The following CNTNAP2 variants were observed in gnomAD, a reference collection of about 807,000 sequenced individuals.
CNTNAP2 encodes contactin associated protein 2.
Under a neutral mutation model 155.2 loss-of-function variants are expected in CNTNAP2, and 98 were observed. That is an observed-to-expected ratio of 0.63 (90% CI 0.54 to 0.75). CNTNAP2 has a LOEUF of 0.75. Ranked by LOEUF, CNTNAP2 falls within the 30% of genes least tolerant of loss-of-function variation. The pLI is 0.00. For synonymous variants in CNTNAP2, 651 were observed against 631.2 expected (o/e 1.03, Z -0.47); for missense variants, 1,727 against 1,688.1 (o/e 1.02, Z -0.40).
intron 1 of CNTNAP2, among the ~76,000 whole-genome samples, chr7:146,529,142 T>G (rs1797732219): frequency 6.6e-6 from 1 of 152,186 alleles, no homozygotes; most frequent in African/African-American, 2.4e-5. Flanking sequence ...TTGTTTGTTT[T>G]CTTATGCATT....
intron 13 of CNTNAP2, among the ~76,000 whole-genome samples, chr7:147,833,932 A>G (rs997954821): frequency 2.6e-5 from 4 of 152,182 alleles, no homozygotes; most frequent in Admixed American, 1.3e-4. Context: ...ATGGCAACGC[A>G]GGTGAACAAG....
Position 147,246,607 on chromosome 7 carries a change from C to T in CNTNAP2, c.1349-53534C>T, listed in dbSNP as rs117438697. 7.0e-4 allele frequency among the ~76,000 whole-genome samples: 106 copies of T among 152,240 alleles called. 1 individual carries two copies. In the East Asian group the frequency reaches 0.018, roughly 26 times the overall value. ...GAGGGTTCTGTTCTCATAATCTAAT[C>T]GCCTCCCAAGAGTCCTGCCTCCTAA... On this transcript the variant is annotated intron_variant, in intron 8 of 23. Coordinates refer to ENST00000361727, the MANE Select transcript of CNTNAP2 (RefSeq NM_014141.6).
intron 15 of CNTNAP2, among the ~76,000 whole-genome samples, chr7:148,103,141 G>A (rs1482403254): frequency 1.3e-5 from 2 of 151,664 alleles, no homozygotes; most frequent in African/African-American, 2.4e-5. Flanking sequence ...AGTGAGCAGA[G>A]GAGTGATTTT....
intron 1 of CNTNAP2, among the ~76,000 whole-genome samples, chr7:146,300,802 T>A (rs1800594968): frequency 6.6e-6 from 1 of 152,132 alleles, no homozygotes; most frequent in South Asian, 2.1e-4. Context: ...TGTATGTCAT[T>A]GGGATTCTAC....
At chr7:147,917,829 A>G (rs1800186923) in intron 14 of CNTNAP2, among the ~76,000 whole-genome samples, 1 of 151,842 alleles carries the variant, frequency 6.6e-6, no homozygotes, top group Non-Finnish European at 1.5e-5. Context: ...TAAAGTCCAG[A>G]CTCCTGCAGT....
intron 1 of CNTNAP2, among the ~76,000 whole-genome samples, chr7:146,217,507 C>A (rs1388774816): frequency 6.6e-6 from 1 of 152,098 alleles, no homozygotes; most frequent in Non-Finnish European, 1.5e-5. Flanking sequence ...TTATTATTAT[C>A]CACACGTATT....
intron 10 of CNTNAP2, among the ~76,000 whole-genome samples, chr7:147,405,884 A>G (rs7788875): frequency 0.47 from 71,331 of 151,740 alleles, 19,532 homozygotes; most frequent in African/African-American, 0.77. Flanking sequence ...TGGTTTGATA[A>G]AAAGGCCGGT....
intron 10 of CNTNAP2, among the ~76,000 whole-genome samples, chr7:147,417,170 G>A (rs990578064): frequency 3.3e-5 from 5 of 151,900 alleles, no homozygotes; most frequent in East Asian, 1.9e-4. Flanking sequence ...TCTCAACCAC[G>A]GTTATGTATC....
chr7:146,684,934 G>C, intron 1 of CNTNAP2, among the ~76,000 whole-genome samples: 1 of 152,078 alleles, frequency 6.6e-6, no homozygotes, highest in East Asian at 1.9e-4. Context: ...AATAATGTAA[G>C]CTAAAGAGCC....
At chr7:147,893,067 G>T (rs1367100868) in intron 13 of CNTNAP2, among the ~76,000 whole-genome samples, 1 of 152,096 alleles carries the variant, frequency 6.6e-6, no homozygotes, top group Non-Finnish European at 1.5e-5. Flanking sequence ...ATTTTATCTT[G>T]ACTCATTCTT....
rs547648769 is a variant in CNTNAP2, at chr7:146,293,135, A to T, written c.97+176162A>T. 6.6e-4 allele frequency among the ~76,000 whole-genome samples: 100 copies of T among 152,318 alleles called. 1 individual carries two copies. The highest frequency in any genetic ancestry group is 2.4e-3 in the African/African-American group (99 of 41,586). ...ATATACAGCTATAATTTATCAATTT[A>T]CAATTAAAAAATAAATGAAATAAAA... On this transcript the variant is annotated intron_variant, in intron 1 of 23. Coordinates refer to ENST00000361727, the MANE Select transcript of CNTNAP2 (RefSeq NM_014141.6).
intron 16 of CNTNAP2, among the ~76,000 whole-genome samples, chr7:148,137,327 T>G (rs575113183): frequency 6.6e-6 from 1 of 152,316 alleles, no homozygotes; most frequent in Non-Finnish European, 1.5e-5. Flanking sequence ...AAAGGCACTT[T>G]TATAGAAGTC....
chr7:147,783,564 G>A lies in CNTNAP2; in HGVS notation c.2099-120001G>A, dbSNP rs73460106. 7.2e-5 allele frequency among the ~76,000 whole-genome samples: 11 copies of A among 152,202 alleles called. No homozygotes were observed. The South Asian group carries it at 1.0e-3, about 14-fold the overall frequency. ...AGTTTGTCACCTCACAGTTCTGGAG[G>A]CCAGAAATTTGAGATCAAGATGACC... On this transcript the variant is annotated intron_variant, in intron 13 of 23. Coordinates refer to ENST00000361727, the MANE Select transcript of CNTNAP2 (RefSeq NM_014141.6).
At chr7:148,393,615 C>T (rs1476300480) in intron 22 of CNTNAP2, among the ~76,000 whole-genome samples, 1 of 152,084 alleles carries the variant, frequency 6.6e-6, no homozygotes, top group Non-Finnish European at 1.5e-5. Context: ...TTTGTTGAGT[C>T]AAAGGATATG....
At chr7:147,290,087 G>A (rs183547658) in intron 8 of CNTNAP2, among the ~76,000 whole-genome samples, 29 of 152,064 alleles carry the variant, frequency 1.9e-4, no homozygotes, top group African/African-American at 6.5e-4. Flanking sequence ...TTTTTCCTAC[G>A]GGAAATACAG....
At chr7:146,879,857 A>G (rs924323526) in intron 3 of CNTNAP2, among the ~76,000 whole-genome samples, 1 of 152,150 alleles carries the variant, frequency 6.6e-6, no homozygotes, top group Non-Finnish European at 1.5e-5. Context: ...AAGAAAAAGA[A>G]GTTTAATGGG....
chr7:146,811,254 C>T lies in CNTNAP2; in HGVS notation c.209-28457C>T, dbSNP rs147552313. On this transcript the variant is annotated intron_variant, in intron 2 of 23. Coordinates refer to ENST00000361727, the MANE Select transcript of CNTNAP2 (RefSeq NM_014141.6). ...TACTTCATAAAATTCACCAGTGATG[C>T]CATGTGTTTTAGGCTTTCTTTGTTT... Among the ~76,000 whole-genome samples, 67 of 152,128 alleles carry T rather than the reference C, an allele frequency of 4.4e-4. No homozygotes were observed. The East Asian group carries it at 9.3e-3, about 21-fold the overall frequency.
intron 11 of CNTNAP2, among the ~76,000 whole-genome samples, chr7:147,523,683 G>C (rs1799268370): frequency 6.6e-6 from 1 of 152,132 alleles, no homozygotes. Context: ...CTGCACAGGT[G>C]CCTTGTGAGC....
intron 1 of CNTNAP2, among the ~76,000 whole-genome samples, chr7:146,566,734 A>T (rs71530745): frequency 0.37 from 56,112 of 151,452 alleles, 11,782 homozygotes; most frequent in South Asian, 0.5. Context: ...AATTAAAATT[A>T]AAAAAAAGGA....
Sources: allele counts gnomAD v4.1 joint callset (sites outside exome capture counted in the v4.1 genomes callset), GRCh38; gene constraint gnomAD v4.1.1; transcripts MANE v1.5; gene names NCBI Gene and HGNC (gene_info 2026-07-23, HGNC 2026-07-21).